Variants in SAMD4B observed in about 807,000 individuals in gnomAD.
The protein encoded by SAMD4B is protein Smaug homolog 2.
A neutral mutation model predicts 74.5 loss-of-function variants in SAMD4B; 5 were observed. The ratio of observed to expected loss-of-function variants is 0.07; its 90% CI spans 0.04 to 0.14. The LOEUF is 0.14. SAMD4B is among the 10% of genes least tolerant of loss of function. SAMD4B has a pLI of 1.00. For synonymous variants in SAMD4B, 373 were observed against 374.9 expected (o/e 1.00, Z 0.06); for missense variants, 608 against 921.8 (o/e 0.66, Z 4.41).
chr19:39,384,044 C>G lies in SAMD4B; in HGVS notation c.*517C>G. The G allele has an allele frequency of 2.6e-6, 1 of 381,334 alleles. No homozygotes were observed. Among genetic ancestry groups the G allele is most frequent in the East Asian group, 4.0e-5 (1 of 25,028 alleles). 23.6% of individuals were successfully genotyped at this position (381,334 alleles called of 1,614,324 possible). On this transcript the variant is annotated 3_prime_UTR_variant, in exon 14 of 14. Transcript: ENST00000610417. Reference sequence around the variant, plus strand: ...GAGGAAGCTCTCTCTCCTCTCCCTGCTTCCCCTTCACCATTCCCCACATTC... The same window carrying G: ...GAGGAAGCTCTCTCTCCTCTCCCTGGTTCCCCTTCACCATTCCCCACATTC...
Position 39,385,688 on chromosome 19 carries a change from CA to C in SAMD4B, c.*2169del, listed in dbSNP as rs200770096. On this transcript the variant is annotated 3_prime_UTR_variant, in exon 14 of 14. Coordinates refer to ENST00000610417, the MANE Select transcript of SAMD4B (RefSeq NM_001384574.2). ...TTATTTTGGAAAAAAAAAAAACAAA[CA>C]AAAAAAACGAATTCTGACCTTCGTT... 2 of 515,878 alleles carry C rather than the reference CA, an allele frequency of 3.9e-6. No individual in the cohort carries two copies. 32.0% of individuals were successfully genotyped at this position (515,878 alleles called of 1,614,324 possible).
chr19:39,386,165 G>A (rs774404003), downstream of SAMD4B: 9 of 1,614,112 alleles, frequency 5.6e-6, no homozygotes, highest in Admixed American at 1.7e-5. This position sits in a 1 kb window ranked among gnomAD's most constrained non-coding sequence, Gnocchi z 6.1. Flanking sequence ...TGCCACCTTG[G>A]GCCTGTCCTC....
chr19:39,380,435 C>A, intron 10 of SAMD4B, 152 bp from the exon 11 acceptor site: 2 of 794,884 alleles, frequency 2.5e-6, no homozygotes, highest in Non-Finnish European at 2.1e-6. Flanking sequence ...CATCTCCTTC[C>A]AGGGGGTACC....
At chr19:39,379,915 T>G (rs751078465) in intron 9 of SAMD4B, 51 bp from the exon 10 acceptor site, 4 of 1,422,836 alleles carry the variant, frequency 2.8e-6, no homozygotes, top group Admixed American at 3.6e-5. Flanking sequence ...GGAAGGGAGG[T>G]CTGAAGGAAG....
chr19:39,387,934 T>TC (rs1253367310), downstream of SAMD4B, among the ~76,000 whole-genome samples: 1 of 152,042 alleles, frequency 6.6e-6, no homozygotes, highest in Admixed American at 6.6e-5. Flanking sequence ...GGTCAGGAGT[T>TC]CAAGACCAGC....
rs1239202343 is a variant in SAMD4B at position 39,380,008 on chromosome 19, C to G, written c.1573C>G (p.Gln525Glu). Reference sequence around the variant, plus strand: ...GAAGAAACGGCTGCTATCCTGGAAACAGCAAGTGCTGAAGCTCCTCCGGAC... The same window carrying G: ...GAAGAAACGGCTGCTATCCTGGAAAGAGCAAGTGCTGAAGCTCCTCCGGAC... ...TQKKRLLSWK[Q>E]QVLKLLRTFP... Residue 525 changes from glutamine (Q) to glutamate (E), a missense_variant, in exon 10 of 14, where the codon CAG (glutamine) becomes GAG (glutamate). Transcript: ENST00000610417. 2 of 1,613,938 alleles carry G rather than the reference C, an allele frequency of 1.2e-6. No homozygotes were observed. Among genetic ancestry groups the G allele is most frequent in the African/African-American group, 1.3e-5 (1 of 74,932 alleles).
intron 1 of SAMD4B, among the ~76,000 whole-genome samples, chr19:39,344,156 T>A (rs2075541352): frequency 6.6e-6 from 1 of 152,054 alleles, no homozygotes; most frequent in Non-Finnish European, 1.5e-5. Context: ...CTGAACTTGC[T>A]CACACAGGTC....
rs1287710990 is a variant in SAMD4B at position 39,375,556 on chromosome 19, G to A, written c.668-94G>A. 4 of 1,505,540 alleles carry A rather than the reference G, an allele frequency of 2.7e-6. No individual in the cohort carries two copies. The highest frequency in any genetic ancestry group is 2.7e-6 in the Non-Finnish European group (3 of 1,111,346). 93.3% of individuals were successfully genotyped at this position (1,505,540 alleles called of 1,614,324 possible). ...TCCCTTCCTCTTGGCAGGTTATGGG[G>A]CCAAACTGCCATCCTGGCACTGACG... On this transcript the variant is annotated intron_variant, in intron 4 of 13. Transcript: ENST00000610417. This position sits in a 1 kb window ranked among gnomAD's most constrained non-coding sequence, Gnocchi z 4.1.
At chr19:39,388,361 A>C, downstream of SAMD4B, 1 of 1,614,138 alleles carries the variant, frequency 6.2e-7, no homozygotes, top group Non-Finnish European at 8.5e-7. Flanking sequence ...TCATTGTAGT[A>C]AACCCCGTCA....
chr19:39,376,023 C>T (rs1422185254), intron 5 of SAMD4B, 134 bp downstream of exon 5: 4 of 1,208,588 alleles, frequency 3.3e-6, no homozygotes, highest in Non-Finnish European at 4.5e-6. Context: ...TAGATAGTCC[C>T]TGCTTTTAGG....
At chr19:39,347,758 A>G (rs750988585) in intron 1 of SAMD4B, among the ~76,000 whole-genome samples, 3 of 152,164 alleles carry the variant, frequency 2.0e-5, no homozygotes, top group Non-Finnish European at 2.9e-5. Context: ...GTTGAATAGA[A>G]GCGGGTTCAG....
intron 1 of SAMD4B, among the ~76,000 whole-genome samples, chr19:39,344,931 C>G (rs56885497): frequency 2.0e-5 from 3 of 152,176 alleles, no homozygotes; most frequent in Non-Finnish European, 4.4e-5. Flanking sequence ...AAGCCTTCTT[C>G]CTTCTCCCCT....
At chr19:39,389,598 C>T (rs746615856), downstream of SAMD4B, 20 of 1,614,046 alleles carry the variant, frequency 1.2e-5, no homozygotes, top group Non-Finnish European at 1.5e-5. This position sits in a 1 kb window ranked among gnomAD's most constrained non-coding sequence, Gnocchi z 5.3. Flanking sequence ...AGGCCTGAGC[C>T]TTTGCTGACC....
Position 39,375,706 on chromosome 19 carries a change from A to C in SAMD4B, c.724A>C (p.Thr242Pro). 1.2e-6 allele frequency: 2 copies of C among 1,613,948 alleles called. No homozygotes were observed. Among genetic ancestry groups the C allele is most frequent in the Non-Finnish European group, 1.7e-6 (2 of 1,179,920 alleles). ...PLKRSMSLIP[T>P]SPQVPGEWPS... ...GAAGCGCTCCATGTCACTCATCCCT[A>C]CAAGCCCCCAGGTCCCTGGTGAGTG... The change falls in exon 5 of 14, where the codon ACA (threonine) becomes CCA (proline). Residue 242 changes from threonine (T) to proline (P), a missense_variant. Transcript: ENST00000610417. This position sits in a 1 kb window ranked among gnomAD's most constrained non-coding sequence, Gnocchi z 4.1.
intron 9 of SAMD4B, among the ~76,000 whole-genome samples, chr19:39,379,147 CA>C (rs372786416): frequency 2.8e-3 from 421 of 152,058 alleles, no homozygotes; most frequent in African/African-American, 9.8e-3. Flanking sequence ...CTCAGCCTCC[CA>C]AAGTGCTGAG....
At chr19:39,377,094 CTCTG>C (rs1222710702) in intron 7 of SAMD4B, among the ~76,000 whole-genome samples, 5 of 152,192 alleles carry the variant, frequency 3.3e-5, no homozygotes, top group Admixed American at 6.5e-5. Context: ...AGCAGAGTGT[CTCTG>C]TCTGTACAAT....
At chr19:39,357,179 A>C in intron 3 of SAMD4B, 90 bp downstream of exon 3, 2 of 1,215,874 alleles carry the variant, frequency 1.6e-6, no homozygotes, top group Non-Finnish European at 2.3e-6. Flanking sequence ...CAACAATGGG[A>C]CTAAAAAACG....
At chr19:39,370,209 C>A in intron 4 of SAMD4B, 84 bp downstream of exon 4, 1 of 1,326,510 alleles carries the variant, frequency 7.5e-7, no homozygotes, top group African/African-American at 1.5e-5. Context: ...CGCTCTGTGG[C>A]ATTAGACAAG....
chr19:39,376,612 A>G, intron 6 of SAMD4B, 66 bp downstream of exon 6: 1 of 1,580,892 alleles, frequency 6.3e-7, no homozygotes, highest in Non-Finnish European at 8.7e-7. Flanking sequence ...TTGCAGCCCA[A>G]GCCTCCTCTG....
Sources: allele counts gnomAD v4.1 joint callset (sites outside exome capture counted in the v4.1 genomes callset), GRCh38; gene constraint gnomAD v4.1.1; non-coding constraint Gnocchi (gnomAD v3.1); transcripts MANE v1.5; gene names NCBI Gene and HGNC (gene_info 2026-07-23, HGNC 2026-07-21).